KLHL25: variants seen among roughly 807,000 people sequenced by gnomAD.
KLHL25 encodes the protein kelch like family member 25.
Under a neutral mutation model 30.0 loss-of-function variants are expected in KLHL25, and 41 were observed. The observed-to-expected ratio is 1.37, with a 90% CI of 1.07 to 1.78. The LOEUF is 1.78. Ranked by LOEUF, KLHL25 falls within the 40% of genes most tolerant of loss-of-function variation. KLHL25 has a pLI of 0.00. For missense variants in KLHL25, 971 were observed against 824.5 expected (o/e 1.18, Z -2.18); for synonymous variants, 399 against 355.3 (o/e 1.12, Z -1.38).
At chr15:85,790,144 C>A (rs1192462619) in intron 1 of KLHL25, among the ~76,000 whole-genome samples, 1 of 152,194 alleles carries the variant, frequency 6.6e-6, no homozygotes, top group Non-Finnish European at 1.5e-5. Flanking sequence ...GGCTGGAGTG[C>A]AATGGTGCAA....
At chr15:85,774,403 C>G (rs1169488762) in intron 1 of KLHL25, among the ~76,000 whole-genome samples, 13 of 152,146 alleles carry the variant, frequency 8.5e-5, no homozygotes, top group Non-Finnish European at 1.6e-4. Flanking sequence ...TAAAATGTAC[C>G]GGGTAACAAT....
chr15:85,785,777 G>T (rs900659623), intron 1 of KLHL25, among the ~76,000 whole-genome samples: 1 of 152,174 alleles, frequency 6.6e-6, no homozygotes, highest in Non-Finnish European at 1.5e-5. Flanking sequence ...GCTTGTAATT[G>T]TACCTCCCAG....
Position 85,769,500 on chromosome 15 carries a change from A to C in KLHL25, c.311T>G (p.Phe104Cys). 6.2e-7 allele frequency: 1 copy of C among 1,614,014 alleles called. No homozygotes were observed. Among genetic ancestry groups the C allele is most frequent in the Non-Finnish European group, 8.5e-7 (1 of 1,180,032 alleles). Reference protein sequence around the residue: ...HPEVLELLLDFAYSSRIAINE... With the variant: ...HPEVLELLLDCAYSSRIAINE... ...GATGGCGATGCGTGAGGAGTAGGCA[A>C]AGTCCAGCAGCAGCTCCAGCACCTC... The change falls in exon 2 of 3, where the codon TTT becomes TGT. Residue 104 changes from phenylalanine (F) to cysteine (C), a missense_variant. By Grantham distance (205) the Phe-to-Cys change is radical. Coordinates refer to ENST00000337975, the MANE Select transcript of KLHL25 (RefSeq NM_022480.4).
chr15:85,768,222 G>A lies in KLHL25; in HGVS notation c.1589C>T (p.Ser530Phe). The A allele has an allele frequency of 1.2e-6, 2 of 1,614,210 alleles. No individual in the cohort carries two copies. The highest frequency in any genetic ancestry group is 2.2e-5 in the East Asian group (1 of 44,876). The change falls in exon 2 of 3, where the codon TCC becomes TTC. Residue 530 changes from serine to phenylalanine, a missense_variant. Ser to Phe is a radical substitution (Grantham distance 155, BLOSUM62 -2). Transcript: ENST00000337975. ...RIGDMTAKRM[S>F]CHALASGNKL... is the part of the protein sequence containing the mutation. ...GTTGCCGGAAGCCAGGGCATGGCAG[G>A]ACATGCGCTTGGCAGTCATGTCCCC...
Position 85,768,874 on chromosome 15 carries a change from C to G in KLHL25, c.937G>C (p.Val313Leu). ...QTFMCDKIYQ[V>L]DHKAKEIIPK... is the part of the protein sequence containing the mutation. ...ATGATCTCCTTGGCCTTGTGGTCCA[C>G]CTGGTAGATCTTGTCACACATGAAG... Residue 313 changes from valine to leucine, a missense_variant, in exon 2 of 3, where the codon GTG (valine) becomes CTG (leucine). Val to Leu is a conservative substitution (Grantham distance 32, BLOSUM62 1). Coordinates refer to ENST00000337975, the MANE Select transcript of KLHL25 (RefSeq NM_022480.4). The G allele has an allele frequency of 1.2e-6, 2 of 1,613,338 alleles. No individual in the cohort carries two copies. The highest frequency in any genetic ancestry group is 1.7e-6 in the Non-Finnish European group (2 of 1,180,052).
chr15:85,777,492 G>A (rs1028040284), intron 1 of KLHL25, among the ~76,000 whole-genome samples: 5 of 152,226 alleles, frequency 3.3e-5, no homozygotes, highest in African/African-American at 1.2e-4. Context: ...AGCCTGGAAA[G>A]CGAAGGGAGG....
chr15:85,792,929 GAAGA>G (rs1204173347), intron 1 of KLHL25, among the ~76,000 whole-genome samples: 2 of 152,146 alleles, frequency 1.3e-5, no homozygotes, highest in East Asian at 3.8e-4. Context: ...CTCACTAAAG[GAAGA>G]GTCTCCAGCA....
At chr15:85,778,466 C>T (rs186331287) in intron 1 of KLHL25, among the ~76,000 whole-genome samples, 25 of 152,370 alleles carry the variant, frequency 1.6e-4, no homozygotes, top group African/African-American at 6.0e-4. Context: ...CGTCTCAGCA[C>T]TTCACGTGTT....
In KLHL25 at chr15:85,760,527, C is replaced by T. The variant is rs1318395119; in HGVS notation, c.*509G>A. On this transcript the variant is annotated 3_prime_UTR_variant, in exon 3 of 3. Transcript: ENST00000337975. Reference sequence around the variant, plus strand: ...CACCTTAAAAAATCTGTCTTGGTCACCTTTCTGGTCTCAACCCCTGGGAAC... The same window carrying T: ...CACCTTAAAAAATCTGTCTTGGTCATCTTTCTGGTCTCAACCCCTGGGAAC... The T allele has an allele frequency of 6.6e-6, 1 of 152,246 alleles. No individual in the cohort carries two copies. The highest frequency in any genetic ancestry group is 1.5e-5 in the Non-Finnish European group (1 of 68,048). The allele number at this position is 152,246 out of a possible 1,614,324, so 9.4% of individuals were successfully genotyped here. A position where few individuals can be genotyped will look rare whatever the true frequency, so the allele number is the denominator to read the frequency against.
rs1247157393 is a variant in KLHL25 at position 85,769,727 on chromosome 15, G to A, written c.84C>T (p.His28=). ...MNVTLFHKAS[H]PDCVLAHLNT... ...TGAGGTGGGCCAGCACACAGTCCGG[G>A]TGGGAGGCCTTGTGGAAGAGGGTGA... Residue 28 remains histidine, a synonymous_variant, in exon 2 of 3, where the codon CAC becomes CAT. Coordinates refer to ENST00000337975, the MANE Select transcript of KLHL25 (RefSeq NM_022480.4). The A allele has an allele frequency of 3.1e-6, 5 of 1,613,906 alleles. No individual in the cohort carries two copies. The Admixed American group carries it at 5.0e-5, about 16-fold the overall frequency.
chr15:85,783,694 TAAA>T (rs34688793), intron 1 of KLHL25, among the ~76,000 whole-genome samples: 26,777 of 136,454 alleles, frequency 0.2, 2,339 homozygotes, highest in Middle Eastern at 0.3. Context: ...TCCACCTCAA[TAAA>T]AAAAAAAAAA....
rs962383502 is a variant in KLHL25, at chr15:85,759,901, C to A, written c.*1135G>T. 6.6e-6 allele frequency: 1 copy of A among 152,220 alleles called. No individual in the cohort carries two copies. Among genetic ancestry groups the A allele is most frequent in the African/African-American group, 2.4e-5 (1 of 41,420 alleles). The allele number at this position is 152,220 out of a possible 1,614,324, so 9.4% of individuals were successfully genotyped here. A position where few individuals can be genotyped will look rare whatever the true frequency, so the allele number is the denominator to read the frequency against. ...AGGCATTAGGATGGTCACTGACAGG[C>A]GCCAACCTCTCCATAGCCCAGGTGT... On this transcript the variant is annotated 3_prime_UTR_variant, in exon 3 of 3. Transcript: ENST00000337975.
chr15:85,767,884 C>G (rs2089634937), intron 2 of KLHL25, 133 bp downstream of exon 2: 1 of 619,786 alleles, frequency 1.6e-6, no homozygotes, highest in Non-Finnish European at 2.8e-6. Context: ...GACTCCAGAG[C>G]ACACCAGCCA....
At chr15:85,790,753 A>C (rs1310711282) in intron 1 of KLHL25, among the ~76,000 whole-genome samples, 2 of 152,182 alleles carry the variant, frequency 1.3e-5, no homozygotes, top group East Asian at 3.9e-4. Context: ...GAAGTGGCCC[A>C]GGTGAGCCTC....
chr15:85,776,683 T>G (rs943684252), intron 1 of KLHL25, among the ~76,000 whole-genome samples: 44 of 152,256 alleles, frequency 2.9e-4, no homozygotes, highest in Non-Finnish European at 4.7e-4. Flanking sequence ...ACCAGCACTT[T>G]GGGAGGCTGA....
chr15:85,769,053 T>C lies in KLHL25; in HGVS notation c.758A>G (p.Glu253Gly). Residue 253 changes from glutamate (E) to glycine (G), a missense_variant, in exon 2 of 3, where the codon GAG becomes GGG. Glu to Gly is a moderately conservative substitution (Grantham distance 98). Transcript: ENST00000337975. ...SDCLQEAVSSEALLMADERTK... is the reference protein window; with the variant it reads ...SDCLQEAVSSGALLMADERTK... ...GCGCTCGTCTGCCATGAGGAGGGCC[T>C]CGCTGGAGACGGCCTCCTGCAGGCA... The C allele has an allele frequency of 1.9e-6, 3 of 1,607,192 alleles. No homozygotes were observed. Among genetic ancestry groups the C allele is most frequent in the Non-Finnish European group, 2.6e-6 (3 of 1,176,198 alleles).
At chr15:85,785,564 CTT>C (rs66853549) in intron 1 of KLHL25, among the ~76,000 whole-genome samples, 18 of 147,390 alleles carry the variant, frequency 1.2e-4, no homozygotes, top group South Asian at 2.2e-4. Context: ...CAGCAAAGTC[CTT>C]TTTTTTTTTT....
At chr15:85,773,462 C>A (rs2089690100) in intron 1 of KLHL25, among the ~76,000 whole-genome samples, 1 of 152,228 alleles carries the variant, frequency 6.6e-6, no homozygotes, top group Non-Finnish European at 1.5e-5. Context: ...CTCCTCCTCG[C>A]ACTCACACCC....
In KLHL25 at chr15:85,776,803, T is replaced by C. The variant is rs1164542366; in HGVS notation, c.-10-6983A>G. ...AGCTGGGTGTGGTGGCGGGTGCCTA[T>C]AGTCCCAGCTACTCGGGAGGCTGAG... On this transcript the variant is annotated intron_variant, in intron 1 of 2. Transcript: ENST00000337975. 3.3e-5 allele frequency among the ~76,000 whole-genome samples: 5 copies of C among 151,944 alleles called. No individual in the cohort carries two copies. The East Asian group carries it at 7.8e-4, about 24-fold the overall frequency.
Sources: allele counts gnomAD v4.1 joint callset (sites outside exome capture counted in the v4.1 genomes callset), GRCh38; gene constraint gnomAD v4.1.1; transcripts MANE v1.5; gene names NCBI Gene and HGNC (gene_info 2026-07-23, HGNC 2026-07-21).